The following DNM3 variants were observed in gnomAD, a reference collection of about 807,000 sequenced individuals.
The protein encoded by DNM3 is dynamin 3.
Under a neutral mutation model 101.6 loss-of-function variants are expected in DNM3, and 47 were observed. The ratio of observed to expected loss-of-function variants is 0.46; its 90% CI spans 0.37 to 0.59. DNM3 has a LOEUF of 0.59. Ranked by LOEUF, DNM3 falls within the 20% of genes least tolerant of loss-of-function variation. The pLI is 0.00. For missense variants in DNM3, 849 were observed against 1,085.7 expected, an observed-to-expected ratio of 0.78 and a Z score of 3.06; for synonymous variants, 385 against 387.9, an observed-to-expected ratio of 0.99 and a Z score of 0.09.
At chr1:172,088,800 G>A (rs1362333175) in intron 12 of DNM3, among the ~76,000 whole-genome samples, 1 of 152,162 alleles carries the variant, frequency 6.6e-6, no homozygotes, top group Non-Finnish European at 1.5e-5. Context: ...AAATTACAAT[G>A]GTATAGGATT....
At chr1:172,381,080 CACA>C (rs1329957950) in intron 18 of DNM3, 1 of 151,436 alleles carries the variant, frequency 6.6e-6, no homozygotes, top group African/African-American at 2.4e-5. Flanking sequence ...CGCACACACA[CACA>C]CACACACACT....
At chr1:172,233,180 A>G (rs1203950594) in intron 14 of DNM3, among the ~76,000 whole-genome samples, 1 of 152,212 alleles carries the variant, frequency 6.6e-6, no homozygotes, top group Non-Finnish European at 1.5e-5. Context: ...AATCAAATAG[A>G]TGCAATAAAA....
chr1:171,969,534 G>T (rs2180747), intron 2 of DNM3, among the ~76,000 whole-genome samples: 1 of 151,938 alleles, frequency 6.6e-6, no homozygotes, highest in Non-Finnish European at 1.5e-5. Flanking sequence ...TCTGGACATG[G>T]TGATGACTCC....
At chr1:171,890,292 C>G (rs1180182144) in intron 1 of DNM3, among the ~76,000 whole-genome samples, 1 of 152,098 alleles carries the variant, frequency 6.6e-6, no homozygotes, top group Non-Finnish European at 1.5e-5. Context: ...TTTTCTCCAT[C>G]CTTGTTTGGA....
intron 14 of DNM3, among the ~76,000 whole-genome samples, chr1:172,239,579 C>T (rs2061666958): frequency 6.6e-6 from 1 of 152,084 alleles, no homozygotes; most frequent in South Asian, 2.1e-4. Context: ...GTCATTTCCT[C>T]TTGCTGCACT....
intron 14 of DNM3, among the ~76,000 whole-genome samples, chr1:172,234,895 C>T (rs909422943): frequency 5.1e-4 from 77 of 152,296 alleles, no homozygotes; most frequent in African/African-American, 1.8e-3. Flanking sequence ...ACCATAAAAA[C>T]CCTAGAAGAA....
At chr1:171,950,984 G>T (rs2042487721) in intron 2 of DNM3, among the ~76,000 whole-genome samples, 2 of 151,920 alleles carry the variant, frequency 1.3e-5, no homozygotes, top group South Asian at 2.1e-4. Flanking sequence ...TTTTTGGATG[G>T]GGAAAGGAGG....
At chr1:172,393,652 ACTCATCTTGTGAC>A (rs1558084630) in intron 20 of DNM3, 1 of 152,664 alleles carries the variant, frequency 6.6e-6, no homozygotes, top group East Asian at 1.9e-4. Context: ...CAAATGAGGA[ACTCATCTTGTGAC>A]CTCTGATGTC....
chr1:172,313,957 C>A (rs1164220286), intron 16 of DNM3, among the ~76,000 whole-genome samples: 2 of 151,154 alleles, frequency 1.3e-5, no homozygotes, highest in African/African-American at 4.9e-5. Context: ...GCCCCCTACC[C>A]CCCGACAGGC....
At chr1:172,246,716 G>T (rs958278336) in intron 14 of DNM3, among the ~76,000 whole-genome samples, 1 of 152,170 alleles carries the variant, frequency 6.6e-6, no homozygotes, top group Non-Finnish European at 1.5e-5. Context: ...GGGCAATCCA[G>T]TGTCTCAGAA....
At chr1:172,085,093 A>G (rs549216007) in intron 12 of DNM3, among the ~76,000 whole-genome samples, 5 of 152,162 alleles carry the variant, frequency 3.3e-5, no homozygotes, top group Non-Finnish European at 7.4e-5. Context: ...TAATGTGTCC[A>G]AATAAGCACT....
At chr1:171,863,152 A>G (rs1280617893) in intron 1 of DNM3, among the ~76,000 whole-genome samples, 2 of 151,988 alleles carry the variant, frequency 1.3e-5, no homozygotes, top group East Asian at 3.9e-4. Context: ...CAGAAGTAAG[A>G]TCCAAGAAGT....
At chr1:172,317,533 G>A (rs1431631772) in intron 16 of DNM3, among the ~76,000 whole-genome samples, 19 of 151,858 alleles carry the variant, frequency 1.3e-4, no homozygotes, top group Admixed American at 2.0e-4. Flanking sequence ...TCAAATAGAC[G>A]CAATAAAAAA....
intron 11 of DNM3, among the ~76,000 whole-genome samples, 167 bp downstream of exon 11, chr1:172,069,072 C>T (rs1326549351): frequency 1.3e-5 from 2 of 152,150 alleles, no homozygotes; most frequent in Non-Finnish European, 2.9e-5. Context: ...TATACACATA[C>T]TATATTCATA....
At chr1:172,073,209 A>ATATG (rs532042171) in intron 11 of DNM3, among the ~76,000 whole-genome samples, 2 of 152,066 alleles carry the variant, frequency 1.3e-5, no homozygotes, top group African/African-American at 4.8e-5. Flanking sequence ...ACATGTACAT[A>ATATG]TATGTATGTA....
At chr1:171,923,164 G>A (rs1243163446) in intron 2 of DNM3, among the ~76,000 whole-genome samples, 1 of 152,166 alleles carries the variant, frequency 6.6e-6, no homozygotes, top group Non-Finnish European at 1.5e-5. Context: ...ATTCCTACCG[G>A]CAGTGTATGA....
At chr1:171,941,200 G>A (rs1261829476) in intron 2 of DNM3, among the ~76,000 whole-genome samples, 4 of 152,062 alleles carry the variant, frequency 2.6e-5, no homozygotes, top group Non-Finnish European at 4.4e-5. Flanking sequence ...TACACTAAGC[G>A]GGTTATACTA....
At chr1:172,197,295 G>T (rs939815160) in intron 14 of DNM3, among the ~76,000 whole-genome samples, 3 of 152,038 alleles carry the variant, frequency 2.0e-5, no homozygotes, top group Admixed American at 6.6e-5. Context: ...GTACCATGCT[G>T]TTTTGGTTAC....
At position 172,106,901 on chromosome 1, in the gene DNM3, C is replaced by G. The variant is rs375355391; in HGVS notation, c.1545+14026C>G. Among the ~76,000 whole-genome samples the G allele has an allele frequency of 7.7e-3, 1,021 of 133,024 alleles. 22 individuals are homozygous for G. Among genetic ancestry groups the G allele is most frequent in the African/African-American group, 0.029 (947 of 32,920 alleles). 87.3% of individuals were successfully genotyped at this position (133,024 alleles called of 152,430 possible). Reference sequence around the variant, plus strand: ...CGGAGTCTCGCTCTGTCGCCCAGGCCGGACCGCGGACTGCAGTGGCGCAAT... The same window carrying G: ...CGGAGTCTCGCTCTGTCGCCCAGGCGGGACCGCGGACTGCAGTGGCGCAAT... On this transcript the variant is annotated intron_variant, in intron 13 of 20. Coordinates refer to ENST00000627582, the MANE Select transcript of DNM3 (RefSeq NM_015569.5).
Sources: gnomAD v4.1 joint callset for allele counts (sites outside exome capture counted in the v4.1 genomes callset) on GRCh38, gnomAD v4.1.1 for gene constraint, MANE v1.5 for transcripts, NCBI Gene and HGNC (gene_info 2026-07-23, HGNC 2026-07-21) for gene names.